PTPRD: variants seen among roughly 807,000 people sequenced by gnomAD.
PTPRD encodes protein tyrosine phosphatase receptor type D, also known as receptor-type tyrosine-protein phosphatase delta.
Under a neutral mutation model 214.5 loss-of-function variants are expected in PTPRD, and 34 were observed. The ratio of observed to expected loss-of-function variants is 0.16; its 90% CI spans 0.12 to 0.21. The LOEUF (loss-of-function observed/expected upper bound fraction) is 0.21. Ranked by LOEUF, PTPRD falls within the 10% of genes least tolerant of loss-of-function variation. PTPRD has a pLI of 1.00. For synonymous variants in PTPRD, 1,128 were observed against 845.7 expected, an observed-to-expected ratio of 1.33 and a Z score of -5.79; for missense variants, 2,545 against 2,398.7, an observed-to-expected ratio of 1.06 and a Z score of -1.27.
intron 2 of PTPRD, among the ~76,000 whole-genome samples, chr9:10,598,368 C>T: frequency 6.6e-6 from 1 of 151,746 alleles, no homozygotes; most frequent in East Asian, 1.9e-4. Flanking sequence ...CTGCTTGGAA[C>T]TCACCAATAC....
chr9:9,452,174 T>C (rs2092324666), intron 8 of PTPRD, among the ~76,000 whole-genome samples: 1 of 151,430 alleles, frequency 6.6e-6, no homozygotes, highest in Non-Finnish European at 1.5e-5. Context: ...ATAGAAAGGA[T>C]AAATCAACTT....
intron 11 of PTPRD, among the ~76,000 whole-genome samples, chr9:9,014,668 G>A (rs1319945331): frequency 6.6e-6 from 1 of 152,056 alleles, no homozygotes; most frequent in Admixed American, 6.6e-5. Context: ...ATATTTACAT[G>A]GGAGACAATC....
chr9:9,568,330 T>C (rs2085245351), intron 8 of PTPRD, among the ~76,000 whole-genome samples: 1 of 151,778 alleles, frequency 6.6e-6, no homozygotes, highest in Non-Finnish European at 1.5e-5. Context: ...ATGACTGAGG[T>C]GGGAGGTCAA....
At chr9:8,558,636 A>C (rs1472369782) in intron 14 of PTPRD, among the ~76,000 whole-genome samples, 1 of 152,216 alleles carries the variant, frequency 6.6e-6, no homozygotes, top group East Asian at 1.9e-4. Flanking sequence ...GAACCCAGAC[A>C]GTCAACGGGC....
chr9:8,795,410 C>A (rs896395918), intron 11 of PTPRD, among the ~76,000 whole-genome samples: 1 of 152,084 alleles, frequency 6.6e-6, no homozygotes, highest in Non-Finnish European at 1.5e-5. Flanking sequence ...TCAGGCAATT[C>A]GCCCACCTCA....
chr9:10,065,180 A>AAAGAAAGAAAGAAAG (rs147434150), intron 3 of PTPRD, among the ~76,000 whole-genome samples: 3 of 150,196 alleles, frequency 2.0e-5, no homozygotes, highest in African/African-American at 7.3e-5. Flanking sequence ...AGAAAGAAAG[A>AAAGAAAGAAAGAAAG]AAGAAAGAAA....
chr9:8,751,261 C>T (rs556278232), intron 11 of PTPRD, among the ~76,000 whole-genome samples: 16 of 152,112 alleles, frequency 1.1e-4, no homozygotes, highest in African/African-American at 3.9e-4. Context: ...AGTAAAGTAC[C>T]TGACATTAGT....
chr9:8,534,678 T>C (rs765176570), intron 14 of PTPRD, among the ~76,000 whole-genome samples: 5 of 151,768 alleles, frequency 3.3e-5, no homozygotes, highest in Non-Finnish European at 7.4e-5. Context: ...TTTTAATATA[T>C]ATAATACATA....
At chr9:8,911,415 T>TA (rs1555510111) in intron 11 of PTPRD, among the ~76,000 whole-genome samples, 42 of 127,732 alleles carry the variant, frequency 3.3e-4, no homozygotes, top group African/African-American at 1.0e-3. Context: ...TGTGTGTGTG[T>TA]TGTGTGTGTG....
intron 14 of PTPRD, among the ~76,000 whole-genome samples, chr9:8,607,196 A>T (rs1257224530): frequency 6.6e-6 from 1 of 152,236 alleles, no homozygotes; most frequent in Non-Finnish European, 1.5e-5. Context: ...CACAAAAAAT[A>T]TAACTAGGTG....
At chr9:9,879,651 A>G (rs1399499358) in intron 5 of PTPRD, among the ~76,000 whole-genome samples, 1 of 152,192 alleles carries the variant, frequency 6.6e-6, no homozygotes, top group African/African-American at 2.4e-5. Context: ...TAAAATTGAC[A>G]GAGATCCTAA....
At chr9:10,018,280 G>A (rs1355479133) in intron 4 of PTPRD, among the ~76,000 whole-genome samples, 1 of 151,918 alleles carries the variant, frequency 6.6e-6, no homozygotes, top group Non-Finnish European at 1.5e-5. Context: ...GGTTTTGATT[G>A]GGATTTTTCC....
At chr9:10,396,593 T>C (rs1310223273) in intron 2 of PTPRD, among the ~76,000 whole-genome samples, 11 of 152,056 alleles carry the variant, frequency 7.2e-5, no homozygotes, top group African/African-American at 2.4e-4. Flanking sequence ...ACAGTGTAAC[T>C]GAAATCAATC....
At chr9:10,011,529 G>C (rs1340436915) in intron 4 of PTPRD, among the ~76,000 whole-genome samples, 1 of 151,778 alleles carries the variant, frequency 6.6e-6, no homozygotes, top group Non-Finnish European at 1.5e-5. Flanking sequence ...CAAAAACCAA[G>C]GCACAATAAT....
At chr9:10,463,740 CAG>C (rs1421524407) in intron 2 of PTPRD, among the ~76,000 whole-genome samples, 1 of 151,478 alleles carries the variant, frequency 6.6e-6, no homozygotes, top group East Asian at 1.9e-4. Flanking sequence ...GGAATAACTT[CAG>C]AGTCTTACAA....
At chr9:10,157,472 G>A (rs1462389076) in intron 3 of PTPRD, among the ~76,000 whole-genome samples, 1 of 152,150 alleles carries the variant, frequency 6.6e-6, no homozygotes, top group African/African-American at 2.4e-5. Context: ...AGTCTCTTCT[G>A]GATAGTAGTG....
intron 8 of PTPRD, among the ~76,000 whole-genome samples, chr9:9,446,974 C>T (rs1188925387): frequency 6.6e-6 from 1 of 152,106 alleles, no homozygotes. Flanking sequence ...GGTAACATCT[C>T]ACACCAGTCA....
intron 3 of PTPRD, among the ~76,000 whole-genome samples, chr9:10,103,328 G>C (rs865991934): frequency 1.9e-4 from 28 of 144,236 alleles, no homozygotes; most frequent in African/African-American, 6.9e-4. Flanking sequence ...AGGTAAGATA[G>C]ACATTGACAA....
intron 8 of PTPRD, among the ~76,000 whole-genome samples, chr9:9,536,996 C>A (rs893678504): frequency 6.6e-6 from 1 of 151,856 alleles, no homozygotes; most frequent in South Asian, 2.1e-4. Context: ...ATTGCAGTAC[C>A]TATGGTTCAA....
Sources: allele counts gnomAD v4.1 joint callset (sites outside exome capture counted in the v4.1 genomes callset), GRCh38; gene constraint gnomAD v4.1.1; transcripts MANE v1.5; gene names NCBI Gene and HGNC (gene_info 2026-07-23, HGNC 2026-07-21).